The following PRKD1 variants were observed in gnomAD, a reference collection of about 807,000 sequenced individuals.
PRKD1 encodes protein kinase D1.
Under a neutral mutation model 95.9 loss-of-function variants are expected in PRKD1, and 63 were observed. The observed-to-expected ratio is 0.66, with a 90% CI of 0.54 to 0.81. The LOEUF (loss-of-function observed/expected upper bound fraction) is 0.81. Ranked by LOEUF, PRKD1 falls within the 30% of genes least tolerant of loss-of-function variation. The probability of loss-of-function intolerance (pLI) is 0.00; values close to 1 mark genes in which losing one functional copy is unlikely to be tolerated. For synonymous variants in PRKD1, 425 were observed against 423.1 expected (o/e 1.00, Z -0.05); for missense variants, 1,048 against 1,165.3 (o/e 0.90, Z 1.47).
At chr14:29,635,691 A>G (rs1372826697) in intron 7 of PRKD1, among the ~76,000 whole-genome samples, 2 of 152,234 alleles carry the variant, frequency 1.3e-5, no homozygotes, top group African/African-American at 2.4e-5. Flanking sequence ...AAGCAGCCAC[A>G]GACAATATGA....
chr14:29,647,395 A>G (rs1881193742), intron 4 of PRKD1, among the ~76,000 whole-genome samples: 1 of 152,250 alleles, frequency 6.6e-6, no homozygotes, highest in African/African-American at 2.4e-5. Flanking sequence ...TGCAAATTAC[A>G]TGTACATTTC....
chr14:29,743,692 G>C (rs1025383447), intron 1 of PRKD1, among the ~76,000 whole-genome samples: 1 of 152,132 alleles, frequency 6.6e-6, no homozygotes, highest in Non-Finnish European at 1.5e-5. Flanking sequence ...CTGCATGCAC[G>C]CTCCCTTGAA....
At chr14:29,861,483 T>C (rs1382223373) in intron 1 of PRKD1, among the ~76,000 whole-genome samples, 1 of 152,206 alleles carries the variant, frequency 6.6e-6, no homozygotes, top group African/African-American at 2.4e-5. Context: ...GAGACAGGCA[T>C]GCAATGCATA....
In PRKD1 at chr14:29,851,656, C is replaced by A. The variant is rs184158462; in HGVS notation, c.264+75593G>T. ...GTAGGAAAGCAAACTAGTTCAGCCA[C>A]TGTGGAAAGCAGTTTGGAGACTGCT... On this transcript the variant is annotated intron_variant, in intron 1 of 17. Coordinates refer to ENST00000331968, the MANE Select transcript of PRKD1 (RefSeq NM_002742.3). 2.1e-3 allele frequency among the ~76,000 whole-genome samples: 327 copies of A among 152,290 alleles called. 1 individual carries two copies. The highest frequency in any genetic ancestry group is 3.4e-3 in the Non-Finnish European group (228 of 68,012).
At chr14:29,684,299 T>A (rs112901767) in intron 2 of PRKD1, among the ~76,000 whole-genome samples, 1 of 152,098 alleles carries the variant, frequency 6.6e-6, no homozygotes. Context: ...TACAGGTATG[T>A]GCCACCATGC....
At chr14:29,725,347 T>A (rs926672053) in intron 2 of PRKD1, among the ~76,000 whole-genome samples, 189 bp downstream of exon 2, 4 of 152,184 alleles carry the variant, frequency 2.6e-5, no homozygotes, top group Admixed American at 1.3e-4. Flanking sequence ...GGAGCAGTAC[T>A]GGGTGTGGAC....
At chr14:29,622,634 C>T (rs1566493064) in intron 13 of PRKD1, among the ~76,000 whole-genome samples, 1 of 152,048 alleles carries the variant, frequency 6.6e-6, no homozygotes, top group African/African-American at 2.4e-5. Flanking sequence ...AACTCCCGAC[C>T]TCAGGTGATC....
At chr14:29,584,523 C>G (rs1214278576) in intron 16 of PRKD1, among the ~76,000 whole-genome samples, 1 of 152,116 alleles carries the variant, frequency 6.6e-6, no homozygotes. Context: ...TAAGGTCACA[C>G]AGATTGGGTA....
Position 29,811,838 on chromosome 14 carries a change from C to T in PRKD1, c.265-86164G>A, listed in dbSNP as rs901265072. On this transcript the variant is annotated intron_variant, in intron 1 of 17. Transcript: ENST00000331968. ...ATCAAGGATTTCAAGACAGTAAATT[C>T]AGAGCATAACACCCCAAACAATTGC... is the stretch of plus-strand genomic sequence containing the variant. 2.0e-5 allele frequency: 3 copies of T among 152,280 alleles called. No homozygotes were observed. In the East Asian group the frequency reaches 5.8e-4, roughly 29 times the overall value. 9.4% of individuals were successfully genotyped at this position (152,280 alleles called of 1,614,324 possible).
intron 1 of PRKD1, among the ~76,000 whole-genome samples, chr14:29,891,512 C>A (rs999730817): frequency 6.6e-6 from 1 of 152,110 alleles, no homozygotes; most frequent in African/African-American, 2.4e-5. Context: ...TACAAATAAA[C>A]CTTTTCCTTC....
intron 1 of PRKD1, among the ~76,000 whole-genome samples, chr14:29,883,973 T>C (rs1394488146): frequency 6.6e-6 from 1 of 152,236 alleles, no homozygotes; most frequent in African/African-American, 2.4e-5. Context: ...CTAATTTCAA[T>C]GAGAGCATCA....
rs1258682465 is a variant in PRKD1 at position 29,915,471 on chromosome 14, A to G, written c.264+11778T>C. ...AAACAGGCAGATTTAGTATTTCTAA[A>G]AGAGATATAAAAATATTTCTCAAAT... On this transcript the variant is annotated intron_variant, in intron 1 of 17. Coordinates refer to ENST00000331968, the MANE Select transcript of PRKD1 (RefSeq NM_002742.3). Among the ~76,000 whole-genome samples, 3 of 152,230 alleles carry G rather than the reference A, an allele frequency of 2.0e-5. No individual in the cohort carries two copies. In the South Asian group the frequency reaches 6.2e-4, roughly 32 times the overall value.
chr14:29,761,936 G>T (rs940713426), intron 1 of PRKD1, among the ~76,000 whole-genome samples: 6 of 151,748 alleles, frequency 4.0e-5, no homozygotes, highest in Non-Finnish European at 8.8e-5. Flanking sequence ...ACCAAGACTG[G>T]CTATTCTTTA....
chr14:29,622,356 T>C (rs886858404), intron 13 of PRKD1, among the ~76,000 whole-genome samples: 7 of 110,928 alleles, frequency 6.3e-5, no homozygotes, highest in East Asian at 5.1e-4. Flanking sequence ...ATACTTCAGG[T>C]GTATTTTTCT....
intron 2 of PRKD1, among the ~76,000 whole-genome samples, chr14:29,675,289 T>C (rs566696239): frequency 6.6e-6 from 1 of 152,320 alleles, no homozygotes; most frequent in African/African-American, 2.4e-5. Flanking sequence ...TTATATAAAG[T>C]AAAATGTATT....
intron 2 of PRKD1, among the ~76,000 whole-genome samples, chr14:29,688,648 A>C (rs1884022605): frequency 6.6e-6 from 1 of 152,140 alleles, no homozygotes; most frequent in African/African-American, 2.4e-5. Flanking sequence ...TTAAATTTAA[A>C]ACCCGAGGCA....
rs775404116 is a variant in PRKD1, at chr14:29,577,240, A to T, written c.2737T>A (p.Ter913ArgextTer21). 6.2e-7 allele frequency: 1 copy of T among 1,610,914 alleles called. No individual in the cohort carries two copies. Reference sequence around the variant, plus strand: ...TGACAGATTATAGGAGATGGAACTCAGAGGATGCTGACACGCTCACCGAGG... The same window carrying T: ...TGACAGATTATAGGAGATGGAACTCTGAGGATGCTGACACGCTCACCGAGG... ...KALGERVSIL[*>R] is the part of the protein sequence containing the mutation. Residue 913 changes from the stop codon to arginine (R), a stop_lost, in exon 18 of 18, where the codon TGA (stop) becomes AGA (arginine). Transcript: ENST00000331968.
chr14:29,883,235 C>T (rs1893578339), intron 1 of PRKD1, among the ~76,000 whole-genome samples: 2 of 152,104 alleles, frequency 1.3e-5, no homozygotes, highest in Admixed American at 6.5e-5. Context: ...ACCCCCGTGG[C>T]CCAAACACCT....
intron 9 of PRKD1, 135 bp downstream of exon 9, chr14:29,632,734 G>GAA: frequency 1.3e-5 from 9 of 683,444 alleles, no homozygotes; most frequent in Non-Finnish European, 1.9e-5. Flanking sequence ...CTATAGAGAA[G>GAA]AAAAAAAAAA....
Sources: gnomAD v4.1 joint callset for allele counts (sites outside exome capture counted in the v4.1 genomes callset) on GRCh38, gnomAD v4.1.1 for gene constraint, MANE v1.5 for transcripts, NCBI Gene and HGNC (gene_info 2026-07-23, HGNC 2026-07-21) for gene names.